The following NUFIP1 variants were observed in gnomAD, a reference collection of about 807,000 sequenced individuals.
The protein encoded by NUFIP1 is FMR1-interacting protein NUFIP1.
In NUFIP1, 38 loss-of-function variants were observed where a neutral mutation model predicts 56.2. The ratio of observed to expected loss-of-function variants is 0.68; its 90% confidence interval spans 0.52 to 0.89. The LOEUF (loss-of-function observed/expected upper bound fraction) is 0.89. NUFIP1 is among the 40% of genes least tolerant of loss of function. The pLI, the probability that NUFIP1 is intolerant of heterozygous loss-of-function variation, is 0.00. For synonymous variants in NUFIP1, 215 were observed against 212.4 expected, an observed-to-expected ratio of 1.01 and a Z score of -0.10; for missense variants, 567 against 605.8, an observed-to-expected ratio of 0.94 and a Z score of 0.67.
In NUFIP1 at chr13:44,968,494, G is replaced by GA. The variant is rs550627475; in HGVS notation, c.735-2559dup. Among the ~76,000 whole-genome samples the GA allele has an allele frequency of 3.3e-3, 493 of 151,588 alleles. 3 individuals are homozygous for GA. Among genetic ancestry groups the GA allele is most frequent in the South Asian group, 0.031 (147 of 4,804 alleles). ...AAAAATAAAACCTCCAAAGAAAGAT[G>GA]AAAGGAACTATTTGCAACCTTTAAA... On this transcript the variant is annotated intron_variant, in intron 5 of 9. Coordinates refer to ENST00000379161, the MANE Select transcript of NUFIP1 (RefSeq NM_012345.3).
chr13:44,963,793 A>C (rs1871504531), intron 6 of NUFIP1, among the ~76,000 whole-genome samples: 1 of 152,144 alleles, frequency 6.6e-6, no homozygotes, highest in African/African-American at 2.4e-5. Flanking sequence ...CTCTCTGCTC[A>C]AGAGTTGTGT....
rs1279732772 is a variant in NUFIP1, at chr13:44,940,039, C to CA, written c.*1166dup. On this transcript the variant is annotated 3_prime_UTR_variant, in exon 10 of 10. Transcript: ENST00000379161. ...TTAAACTGAGTTCCTTGAAGTCAGA[C>CA]ATGGCCTTATTTATTTGTATACCTT... 9.2e-5 allele frequency: 14 copies of CA among 152,278 alleles called. No individual in the cohort carries two copies. The highest frequency in any genetic ancestry group is 2.6e-4 in the African/African-American group (11 of 41,572). The allele number at this position is 152,278 out of a possible 1,614,324, so 9.4% of individuals were successfully genotyped here. A position where few individuals can be genotyped will look rare whatever the true frequency, so the allele number is the denominator to read the frequency against.
intron 8 of NUFIP1, among the ~76,000 whole-genome samples, chr13:44,947,192 T>C (rs1306974860): frequency 6.6e-6 from 1 of 150,860 alleles, no homozygotes; most frequent in African/African-American, 2.4e-5. Context: ...ACTCCAAACC[T>C]ATATGTCAGG....
intron 1 of NUFIP1, among the ~76,000 whole-genome samples, chr13:44,984,866 C>A (rs756945356): frequency 2.0e-5 from 3 of 152,080 alleles, no homozygotes; most frequent in South Asian, 2.1e-4. Context: ...CCGTTCCCCC[C>A]ACCCCACAAC....
chr13:44,943,536 CTT>C lies in NUFIP1; in HGVS notation c.1275_1276del (p.Ser426LeufsTer2). On this transcript the variant is annotated frameshift_variant, in exon 9 of 10. Coordinates refer to ENST00000379161, the MANE Select transcript of NUFIP1 (RefSeq NM_012345.3). LOFTEE classifies it high-confidence loss of function. ...CCTCTTAGGGTTTGTTTTTTCAAAG[CTT>C]TTCTTTCGGTTCTCACTCTTGGCTT... The C allele has an allele frequency of 1.9e-6, 3 of 1,614,074 alleles. No individual in the cohort carries two copies. The highest frequency in any genetic ancestry group is 2.5e-6 in the Non-Finnish European group (3 of 1,180,004).
intron 6 of NUFIP1, among the ~76,000 whole-genome samples, chr13:44,960,809 T>C (rs1268078452): frequency 1.2e-4 from 18 of 152,098 alleles, no homozygotes. Flanking sequence ...ACGCCTTTAA[T>C]TTCAGCACTT....
intron 8 of NUFIP1, 75 bp from the exon 9 acceptor site, chr13:44,943,749 C>A (rs1257870864): frequency 9.2e-7 from 1 of 1,082,296 alleles, no homozygotes; most frequent in East Asian, 2.4e-5. Context: ...AAGCAACCAA[C>A]AAATCCATAA....
chr13:44,955,331 T>C (rs1293796695), intron 7 of NUFIP1, among the ~76,000 whole-genome samples: 1 of 152,186 alleles, frequency 6.6e-6, no homozygotes, highest in Non-Finnish European at 1.5e-5. Flanking sequence ...CAATTCAAAG[T>C]AGCTGCACAA....
chr13:44,968,419 A>T, intron 5 of NUFIP1, among the ~76,000 whole-genome samples: 1 of 151,936 alleles, frequency 6.6e-6, no homozygotes, highest in East Asian at 1.9e-4. Context: ...AAAAAAAAAA[A>T]AAAGACTTGG....
intron 6 of NUFIP1, among the ~76,000 whole-genome samples, chr13:44,961,600 A>C (rs1871427149): frequency 6.6e-6 from 1 of 152,216 alleles, no homozygotes; most frequent in Non-Finnish European, 1.5e-5. Context: ...ATTAATATAT[A>C]TGTATAGTCC....
At chr13:44,967,959 CT>C (rs35249686) in intron 5 of NUFIP1, among the ~76,000 whole-genome samples, 2,099 of 151,832 alleles carry the variant, frequency 0.014, 65 homozygotes, top group African/African-American at 0.046. Context: ...TACCTTCTGC[CT>C]TTTTTTTTTT....
intron 5 of NUFIP1, among the ~76,000 whole-genome samples, chr13:44,971,008 A>G (rs933318550): frequency 6.6e-6 from 1 of 152,180 alleles, no homozygotes; most frequent in East Asian, 1.9e-4. Flanking sequence ...GCTAGTGGGG[A>G]TAGTATTTAT....
At chr13:44,976,294 G>C (rs953401105) in intron 5 of NUFIP1, among the ~76,000 whole-genome samples, 1 of 151,748 alleles carries the variant, frequency 6.6e-6, no homozygotes, top group African/African-American at 2.4e-5. Flanking sequence ...GAAGAAGGAA[G>C]GAAGGAGAAG....
intron 7 of NUFIP1, among the ~76,000 whole-genome samples, chr13:44,957,695 CTTTT>C (rs879515211): frequency 6.8e-6 from 1 of 147,574 alleles, no homozygotes; most frequent in Non-Finnish European, 1.5e-5. Flanking sequence ...TACTGAAATA[CTTTT>C]TTTTTTTAAA....
intron 5 of NUFIP1, among the ~76,000 whole-genome samples, chr13:44,966,779 G>A (rs1338609076): frequency 6.6e-6 from 1 of 151,784 alleles, no homozygotes; most frequent in Admixed American, 6.6e-5. Flanking sequence ...TTCGAGACCA[G>A]CTTGACCTAC....
chr13:44,977,092 GT>G (rs1872007128), intron 5 of NUFIP1, among the ~76,000 whole-genome samples: 1 of 152,150 alleles, frequency 6.6e-6, no homozygotes, highest in South Asian at 2.1e-4. Flanking sequence ...CAACTTCTAA[GT>G]TTGACCTTGC....
intron 1 of NUFIP1, among the ~76,000 whole-genome samples, chr13:44,985,137 T>C (rs1387597140): frequency 6.6e-6 from 1 of 152,198 alleles, no homozygotes; most frequent in Non-Finnish European, 1.5e-5. Context: ...CTATATGGTG[T>C]CAACACCCAA....
Position 44,943,626 on chromosome 13 carries a change from A to G in NUFIP1, c.1187T>C (p.Leu396Pro). The G allele has an allele frequency of 1.9e-6, 3 of 1,613,930 alleles. No individual in the cohort carries two copies. Among genetic ancestry groups the G allele is most frequent in the Non-Finnish European group, 2.5e-6 (3 of 1,179,964 alleles). Residue 396 changes from leucine (L) to proline (P), a missense_variant, in exon 9 of 10, where the codon CTT becomes CCT. Transcript: ENST00000379161. Reference protein sequence around the residue: ...EADVLAENQVLDSSAPKSPSQ... With the variant: ...EADVLAENQVPDSSAPKSPSQ... ...TGGACTCTTAGGAGCACTGCTATCA[A>G]GAACCTGGTTTTCTGCCAAAACGTC...
At chr13:44,979,860 T>G in intron 4 of NUFIP1, 30 bp downstream of exon 4, 1 of 1,522,602 alleles carries the variant, frequency 6.6e-7, no homozygotes, top group Non-Finnish European at 8.9e-7. Flanking sequence ...GAGCATGTAT[T>G]TAAAAATAGG....
Sources: gnomAD v4.1 joint callset for allele counts (sites outside exome capture counted in the v4.1 genomes callset) on GRCh38, gnomAD v4.1.1 for gene constraint, MANE v1.5 for transcripts, NCBI Gene and HGNC (gene_info 2026-07-23, HGNC 2026-07-21) for gene names.